KCNQ1: variants seen among roughly 807,000 people sequenced by gnomAD.
KCNQ1 encodes the protein potassium voltage-gated channel subfamily Q member 1, also known as potassium voltage-gated channel subfamily KQT member 1.
A neutral mutation model predicts 72.4 loss-of-function variants in KCNQ1; 49 were observed. That is an observed-to-expected ratio of 0.68 (90% CI 0.54 to 0.86). The LOEUF is 0.86. Ranked by LOEUF, KCNQ1 falls within the 40% of genes least tolerant of loss-of-function variation. KCNQ1 has a pLI of 0.00. For synonymous variants in KCNQ1, 450 were observed against 412.6 expected (o/e 1.09, Z -1.10); for missense variants, 790 against 945.1 (o/e 0.84, Z 2.15).
intron 11 of KCNQ1, among the ~76,000 whole-genome samples, chr11:2,742,719 C>T (rs1846077366): frequency 6.6e-6 from 1 of 152,254 alleles, no homozygotes; most frequent in South Asian, 2.1e-4. Context: ...AGGCCTTCCC[C>T]TCCCCATGTG....
Position 2,827,660 on chromosome 11 carries a change from G to A in KCNQ1, c.1795-20107G>A, listed in dbSNP as rs542213982. Among the ~76,000 whole-genome samples, 3 of 152,048 alleles carry A rather than the reference G, an allele frequency of 2.0e-5. No individual in the cohort carries two copies. The highest frequency in any genetic ancestry group is 4.8e-5 in the African/African-American group (2 of 41,470). ...TGGGGTCGGGGGGGCGGGGGAGAGC[G>A]GCTATGGAGACAAGTGGCTGTTTTG... On this transcript the variant is annotated intron_variant, in intron 15 of 15. Coordinates refer to ENST00000155840, the MANE Select transcript of KCNQ1 (RefSeq NM_000218.3). The surrounding 1 kb of genome is among the most constrained non-coding windows in gnomAD (Gnocchi z 6.7).
chr11:2,516,269 A>G lies in KCNQ1; in HGVS notation c.387-11659A>G, dbSNP rs1039705551. ...CTTCCTCCTCTCCTGTGAACAAAGGATGGGTCCACTTCTCAGGCTTCTCAT... is the reference window on the plus strand; with the variant it reads ...CTTCCTCCTCTCCTGTGAACAAAGGGTGGGTCCACTTCTCAGGCTTCTCAT... On this transcript the variant is annotated intron_variant, in intron 1 of 15. Coordinates refer to ENST00000155840, the MANE Select transcript of KCNQ1 (RefSeq NM_000218.3). This position sits in a 1 kb window ranked among gnomAD's most constrained non-coding sequence, Gnocchi z 7.0. Among the ~76,000 whole-genome samples the G allele has an allele frequency of 6.6e-6, 1 of 151,948 alleles. No individual in the cohort carries two copies. Among genetic ancestry groups the G allele is most frequent in the Non-Finnish European group, 1.5e-5 (1 of 68,006 alleles).
chr11:2,745,051 C>T lies in KCNQ1; in HGVS notation c.1515-23793C>T, dbSNP rs930115113. Among the ~76,000 whole-genome samples the T allele has an allele frequency of 2.6e-5, 4 of 152,136 alleles. No individual in the cohort carries two copies. Among genetic ancestry groups the T allele is most frequent in the African/African-American group, 7.2e-5 (3 of 41,426 alleles). ...AAGACCTGATGCTCTGGTTTAGAAACGGGTTCTAATGCCCAGAAGAGCTCC... is the reference window on the plus strand; with the variant it reads ...AAGACCTGATGCTCTGGTTTAGAAATGGGTTCTAATGCCCAGAAGAGCTCC... On this transcript the variant is annotated intron_variant, in intron 11 of 15. Transcript: ENST00000155840. The surrounding 1 kb of genome is among the most constrained non-coding windows in gnomAD (Gnocchi z 6.2).
At chr11:2,655,257 C>G (rs1849825549) in intron 10 of KCNQ1, 1 of 398,658 alleles carries the variant, frequency 2.5e-6, no homozygotes, top group Admixed American at 4.4e-5. Context: ...AGACCTCCCA[C>G]TTTCCTAGAA....
rs1022553106 is a variant in KCNQ1, at chr11:2,451,535, C to G, written c.386+6051C>G. On this transcript the variant is annotated intron_variant, in intron 1 of 15. Coordinates refer to ENST00000155840, the MANE Select transcript of KCNQ1 (RefSeq NM_000218.3). This position sits in a 1 kb window ranked among gnomAD's most constrained non-coding sequence, Gnocchi z 6.4. ...GGTTCTGAGCACTGGAAGGACCTGG[C>G]TGTGGTCCCAGGCACTGGGTGGATG... 2.6e-5 allele frequency among the ~76,000 whole-genome samples: 4 copies of G among 152,220 alleles called. No individual in the cohort carries two copies. Among genetic ancestry groups the G allele is most frequent in the Admixed American group, 2.6e-4 (4 of 15,284 alleles).
chr11:2,544,451 A>G lies in KCNQ1; in HGVS notation c.477+16433A>G, dbSNP rs1158046220. The stretch of plus-strand genomic sequence containing the variant: ...ACATACCTAATATGTATATGGTTAT[A>G]TATCTCTTATAAGGGTTATATATCT... On this transcript the variant is annotated intron_variant, in intron 2 of 15. Coordinates refer to ENST00000155840, the MANE Select transcript of KCNQ1 (RefSeq NM_000218.3). This position sits in a 1 kb window ranked among gnomAD's most constrained non-coding sequence, Gnocchi z 4.4. 1.3e-5 allele frequency among the ~76,000 whole-genome samples: 2 copies of G among 151,524 alleles called. No individual in the cohort carries two copies. Among genetic ancestry groups the G allele is most frequent in the Non-Finnish European group, 2.9e-5 (2 of 67,916 alleles).
rs548973745 is a variant in KCNQ1, at chr11:2,556,171, G to A, written c.478-14457G>A. On this transcript the variant is annotated intron_variant, in intron 2 of 15. Coordinates refer to ENST00000155840, the MANE Select transcript of KCNQ1 (RefSeq NM_000218.3). ...CCTCCGCCTCCATACAGCGCCCCCC[G>A]GCCGGCAAGTCCATGTCCAGGTTTC... Among the ~76,000 whole-genome samples the A allele has an allele frequency of 4.3e-4, 66 of 152,272 alleles. 1 individual carries two copies. The highest frequency in any genetic ancestry group is 1.5e-3 in the East Asian group (8 of 5,170).
At chr11:2,833,358 C>A (rs1847992233) in intron 15 of KCNQ1, among the ~76,000 whole-genome samples, 1 of 152,200 alleles carries the variant, frequency 6.6e-6, no homozygotes, top group Non-Finnish European at 1.5e-5. Context: ...TGCCCACATG[C>A]CCCACCCCTC....
rs891840558 is a variant in KCNQ1, at chr11:2,595,480, C to T, written c.1393+6626C>T. On this transcript the variant is annotated intron_variant, in intron 10 of 15. Coordinates refer to ENST00000155840, the MANE Select transcript of KCNQ1 (RefSeq NM_000218.3). This position sits in a 1 kb window ranked among gnomAD's most constrained non-coding sequence, Gnocchi z 5.0. ...AGCCAGTACTCACGTACCATTTCAA[C>T]AATCCTAGGGCCCTTAAGAATTATG... 6.6e-6 allele frequency among the ~76,000 whole-genome samples: 1 copy of T among 152,202 alleles called. No individual in the cohort carries two copies. The highest frequency in any genetic ancestry group is 2.4e-5 in the African/African-American group (1 of 41,432).
rs555156778 is a variant in KCNQ1, at chr11:2,502,970, C to T, written c.387-24958C>T. 5.3e-4 allele frequency among the ~76,000 whole-genome samples: 81 copies of T among 152,288 alleles called. 1 individual carries two copies. The highest frequency in any genetic ancestry group is 1.9e-3 in the African/African-American group (80 of 41,564). ...TCTTCAATAAACGATGCTGGGAAAA[C>T]TGGATGTCCATATGCAGAAGAATGA... On this transcript the variant is annotated intron_variant, in intron 1 of 15. Transcript: ENST00000155840.
At chr11:2,778,716 T>C (rs1484558931) in intron 15 of KCNQ1, among the ~76,000 whole-genome samples, 1 of 152,230 alleles carries the variant, frequency 6.6e-6, no homozygotes, top group African/African-American at 2.4e-5. Context: ...CGGGCTGTTA[T>C]CTTGCCGAAC....
At chr11:2,466,969 G>T (rs758942009) in intron 1 of KCNQ1, among the ~76,000 whole-genome samples, 4 of 152,238 alleles carry the variant, frequency 2.6e-5, no homozygotes, top group Non-Finnish European at 5.9e-5. Flanking sequence ...CAGTCTAGGG[G>T]CTTTGGGGTG....
rs552909674 is a variant in KCNQ1, at chr11:2,549,790, A to G, written c.478-20838A>G. On this transcript the variant is annotated intron_variant, in intron 2 of 15. Transcript: ENST00000155840. The surrounding 1 kb of genome is among the most constrained non-coding windows in gnomAD (Gnocchi z 6.2). ...CGTGGCCCCCAGTCATGAGTACCCC[A>G]GGCCCCTATGCGCCTCCTTCCCCAT... Among the ~76,000 whole-genome samples, 61 of 152,228 alleles carry G rather than the reference A, an allele frequency of 4.0e-4. No homozygotes were observed. Among genetic ancestry groups the G allele is most frequent in the Non-Finnish European group, 6.5e-4 (44 of 67,970 alleles).
In KCNQ1 at chr11:2,567,306, G is replaced by T. The variant is rs573637426; in HGVS notation, c.478-3322G>T. On this transcript the variant is annotated intron_variant, in intron 2 of 15. Coordinates refer to ENST00000155840, the MANE Select transcript of KCNQ1 (RefSeq NM_000218.3). This position sits in a 1 kb window ranked among gnomAD's most constrained non-coding sequence, Gnocchi z 6.6. ...TGAACCCAGGGTTAGGAGGGTGGCTGGGGCATCACCCACCTGGGGTCTGGA... is the reference window on the plus strand; with the variant it reads ...TGAACCCAGGGTTAGGAGGGTGGCTTGGGCATCACCCACCTGGGGTCTGGA... Among the ~76,000 whole-genome samples the T allele has an allele frequency of 6.6e-6, 1 of 152,274 alleles. No individual in the cohort carries two copies. Among genetic ancestry groups the T allele is most frequent in the South Asian group, 2.1e-4 (1 of 4,826 alleles).
Position 2,626,934 on chromosome 11 carries a change from G to T in KCNQ1, c.1394-35027G>T. Reference sequence around the variant, plus strand: ...CCTTGAGATTCCATGTGAATTTTAGGATGGGGTTTCTTCTTTCTGCAAATA... The same window carrying T: ...CCTTGAGATTCCATGTGAATTTTAGTATGGGGTTTCTTCTTTCTGCAAATA... On this transcript the variant is annotated intron_variant, in intron 10 of 15. Coordinates refer to ENST00000155840, the MANE Select transcript of KCNQ1 (RefSeq NM_000218.3). This position sits in a 1 kb window ranked among gnomAD's most constrained non-coding sequence, Gnocchi z 4.0. 1 of 398,562 alleles carries T rather than the reference G, an allele frequency of 2.5e-6. No homozygotes were observed. The highest frequency in any genetic ancestry group is 4.4e-6 in the Non-Finnish European group (1 of 226,054). 24.7% of individuals were successfully genotyped at this position (398,562 alleles called of 1,614,324 possible).
At chr11:2,584,033 TTG>T (rs1367612744) in intron 7 of KCNQ1, among the ~76,000 whole-genome samples, 76 of 152,192 alleles carry the variant, frequency 5.0e-4, no homozygotes, top group African/African-American at 1.7e-3. Context: ...TGTGTTTGTG[TTG>T]TGTGTGTATA....
At chr11:2,551,170 G>A (rs75565621) in intron 2 of KCNQ1, among the ~76,000 whole-genome samples, 21 of 152,252 alleles carry the variant, frequency 1.4e-4, no homozygotes, top group African/African-American at 4.6e-4. Flanking sequence ...TGTCCAGTTC[G>A]ATGAGTCCTG....
At position 2,848,376 on chromosome 11, in the gene KCNQ1, G is replaced by T; in HGVS notation, c.*373G>T. 1 of 503,310 alleles carries T rather than the reference G, an allele frequency of 2.0e-6. No individual in the cohort carries two copies. The highest frequency in any genetic ancestry group is 5.0e-5 in the East Asian group (1 of 19,920). The allele number at this position is 503,310 out of a possible 1,614,324, so 31.2% of individuals were successfully genotyped here. A position where few individuals can be genotyped will look rare whatever the true frequency, so the allele number is the denominator to read the frequency against. On this transcript the variant is annotated 3_prime_UTR_variant, in exon 16 of 16. Transcript: ENST00000155840. Reference sequence around the variant, plus strand: ...GTGCAGGCCCACCCTGCTTGGCCCAGGGGGCTTCCTGAGGGGAGACAGAGC... The same window carrying T: ...GTGCAGGCCCACCCTGCTTGGCCCATGGGGCTTCCTGAGGGGAGACAGAGC...
rs1564803407 is a variant in KCNQ1, at chr11:2,516,351, CTCA to C, written c.387-11575_387-11573del. ...TTAAATGGCTCAGTCCCAGCGTCCC[CTCA>C]TGCCTGGGACCGCTGACCCACCGGG... On this transcript the variant is annotated intron_variant, in intron 1 of 15. Transcript: ENST00000155840. This position sits in a 1 kb window ranked among gnomAD's most constrained non-coding sequence, Gnocchi z 7.0. Among the ~76,000 whole-genome samples, 1 of 152,084 alleles carries C rather than the reference CTCA, an allele frequency of 6.6e-6. No homozygotes were observed. Among genetic ancestry groups the C allele is most frequent in the African/African-American group, 2.4e-5 (1 of 41,394 alleles).
Sources: allele counts gnomAD v4.1 joint callset (sites outside exome capture counted in the v4.1 genomes callset), GRCh38; gene constraint gnomAD v4.1.1; non-coding constraint Gnocchi (gnomAD v3.1); transcripts MANE v1.5; gene names NCBI Gene and HGNC (gene_info 2026-07-23, HGNC 2026-07-21).